SEMA5A: variants seen among roughly 807,000 people sequenced by gnomAD.
SEMA5A encodes semaphorin-5A.
In SEMA5A, 55 loss-of-function variants were observed where a neutral mutation model predicts 135.5. That is an observed-to-expected ratio of 0.41 (90% CI 0.33 to 0.51). The LOEUF (loss-of-function observed/expected upper bound fraction) is 0.51. Among genes scored for constraint, SEMA5A ranks in the 20% least tolerant of loss-of-function variants. The pLI is 0.37. For missense variants in SEMA5A, 1,290 were observed against 1,419.9 expected (o/e 0.91, Z 1.47); for synonymous variants, 580 against 546.5 (o/e 1.06, Z -0.85).
intron 5 of SEMA5A, among the ~76,000 whole-genome samples, chr5:9,302,705 G>C (rs1561125469): frequency 6.6e-6 from 1 of 152,090 alleles, no homozygotes; most frequent in Non-Finnish European, 1.5e-5. Context: ...AATTGACATA[G>C]AACCACCTAC....
rs1008960299 is a variant in SEMA5A, at chr5:9,036,577, A to C, written c.*6320T>G. On this transcript the variant is annotated 3_prime_UTR_variant, in exon 23 of 23. Transcript: ENST00000382496. ...TTTTTTTTGGAACATGTAAAAATTA[A>C]AGTGATGTTAGTTTCTAGAAGGCTA... 3.9e-5 allele frequency: 6 copies of C among 152,254 alleles called. No individual in the cohort carries two copies. Among genetic ancestry groups the C allele is most frequent in the South Asian group, 2.1e-4 (1 of 4,832 alleles). The allele number at this position is 152,254 out of a possible 1,614,324, so 9.4% of individuals were successfully genotyped here.
In SEMA5A at chr5:9,425,398, T is replaced by C. The variant is rs112936272; in HGVS notation, c.-78+12358A>G. Among the ~76,000 whole-genome samples, 663 of 152,110 alleles carry C rather than the reference T, an allele frequency of 4.4e-3. 5 individuals are homozygous for C. Among genetic ancestry groups the C allele is most frequent in the African/African-American group, 0.015 (639 of 41,486 alleles). Reference sequence around the variant, plus strand: ...GTTCACACACACACACACAAATACCTGGGGAGGAGGGAGAATGCAAGTTAT... The same window carrying C: ...GTTCACACACACACACACAAATACCCGGGGAGGAGGGAGAATGCAAGTTAT... On this transcript the variant is annotated intron_variant, in intron 2 of 22. Transcript: ENST00000382496.
chr5:9,350,880 C>T (rs1427901264), intron 3 of SEMA5A, among the ~76,000 whole-genome samples: 1 of 152,206 alleles, frequency 6.6e-6, no homozygotes, highest in East Asian at 1.9e-4. Context: ...TCAACCCTAA[C>T]TGCAAGTATA....
chr5:9,250,480 T>G (rs1579710999), intron 5 of SEMA5A, among the ~76,000 whole-genome samples: 1 of 152,276 alleles, frequency 6.6e-6, no homozygotes, highest in South Asian at 2.1e-4. Context: ...ACAGTAAATC[T>G]TCCAAAATAG....
intron 11 of SEMA5A, among the ~76,000 whole-genome samples, chr5:9,176,403 C>T (rs920042036): frequency 1.3e-5 from 2 of 152,190 alleles, no homozygotes; most frequent in African/African-American, 4.8e-5. Context: ...ACTAGTCAAG[C>T]CTTCAGATGA....
intron 1 of SEMA5A, among the ~76,000 whole-genome samples, chr5:9,542,036 T>C (rs756683782): frequency 6.6e-6 from 1 of 152,268 alleles, no homozygotes; most frequent in African/African-American, 2.4e-5. Context: ...GAAAAGTTTA[T>C]GTATATTCTA....
At chr5:9,117,817 A>G (rs1197130936) in intron 15 of SEMA5A, among the ~76,000 whole-genome samples, 2 of 152,224 alleles carry the variant, frequency 1.3e-5, no homozygotes, top group Non-Finnish European at 2.9e-5. Flanking sequence ...ATTCTTCCAT[A>G]ATAGGCTTTC....
intron 21 of SEMA5A, among the ~76,000 whole-genome samples, chr5:9,045,116 T>C (rs1395540234): frequency 6.6e-6 from 1 of 152,212 alleles, no homozygotes; most frequent in African/African-American, 2.4e-5. Context: ...CATTCTCTTA[T>C]GAATGATAGT....
Position 9,256,895 on chromosome 5 carries a change from G to GA in SEMA5A, c.271-19006dup, listed in dbSNP as rs1425079837. On this transcript the variant is annotated intron_variant, in intron 5 of 22. Coordinates refer to ENST00000382496, the MANE Select transcript of SEMA5A (RefSeq NM_003966.3). The stretch of plus-strand genomic sequence containing the variant: ...TAAGTTCAAGATTAGCATGAAGAGT[G>GA]AAAAAATCAGTTTGCATTTAGTTTT... 1.3e-4 allele frequency among the ~76,000 whole-genome samples: 20 copies of GA among 152,318 alleles called. No homozygotes were observed. In the South Asian group the frequency reaches 3.7e-3, roughly 28 times the overall value.
intron 1 of SEMA5A, among the ~76,000 whole-genome samples, chr5:9,455,902 A>C (rs1198730414): frequency 6.6e-6 from 1 of 152,244 alleles, no homozygotes; most frequent in Non-Finnish European, 1.5e-5. Context: ...TAAAACTTAC[A>C]GAAGACCCTT....
intron 2 of SEMA5A, among the ~76,000 whole-genome samples, chr5:9,426,427 A>AAAAAATAAATAAAATAAAATAAAAT (rs1561243501): frequency 1.4e-5 from 2 of 142,576 alleles, no homozygotes; most frequent in East Asian, 2.0e-4. Context: ...TCCATCTCAA[A>AAAAAATAAATAAAATAAAATAAAAT]AAAATAAATA....
chr5:9,516,039 A>G (rs1213699795), intron 1 of SEMA5A, among the ~76,000 whole-genome samples: 1 of 152,242 alleles, frequency 6.6e-6, no homozygotes, highest in Non-Finnish European at 1.5e-5. Context: ...TGAACGAAAC[A>G]TAGCCCAGGT....
At chr5:9,346,910 G>GTA (rs1316024798) in intron 3 of SEMA5A, among the ~76,000 whole-genome samples, 2 of 137,040 alleles carry the variant, frequency 1.5e-5, no homozygotes, top group South Asian at 4.5e-4. Context: ...GTGTGTGTGT[G>GTA]TGTGTATATA....
rs551054697 is a variant in SEMA5A at position 9,279,070 on chromosome 5, T to C, written c.270+39302A>G. On this transcript the variant is annotated intron_variant, in intron 5 of 22. Transcript: ENST00000382496. ...ATCCACCAACAACTTGCACTGTGTG[T>C]CTGGAAAACCCACAGGAACTCAACG... Among the ~76,000 whole-genome samples the C allele has an allele frequency of 3.4e-4, 52 of 152,250 alleles. No homozygotes were observed. In the South Asian group the frequency reaches 4.6e-3, roughly 13 times the overall value.
chr5:9,214,156 C>T lies in SEMA5A; in HGVS notation c.646+10518G>A, dbSNP rs112429377. Among the ~76,000 whole-genome samples, 1,173 of 152,248 alleles carry T rather than the reference C, an allele frequency of 7.7e-3. 16 individuals are homozygous for T. The highest frequency in any genetic ancestry group is 0.027 in the African/African-American group (1,107 of 41,542). On this transcript the variant is annotated intron_variant, in intron 8 of 22. Coordinates refer to ENST00000382496, the MANE Select transcript of SEMA5A (RefSeq NM_003966.3). ...GCAACATGGTGAGGAAGGCAGAATGCGCCCCCGAAACTGCACATTGCTCCT... is the reference window on the plus strand; with the variant it reads ...GCAACATGGTGAGGAAGGCAGAATGTGCCCCCGAAACTGCACATTGCTCCT...
At chr5:9,168,416 C>A (rs929044715) in intron 11 of SEMA5A, among the ~76,000 whole-genome samples, 1 of 152,136 alleles carries the variant, frequency 6.6e-6, no homozygotes, top group African/African-American at 2.4e-5. Context: ...GATGAAGGAG[C>A]TTTGAGTCTT....
chr5:9,490,509 A>C (rs1189402758), intron 1 of SEMA5A, among the ~76,000 whole-genome samples: 1 of 152,184 alleles, frequency 6.6e-6, no homozygotes, highest in African/African-American at 2.4e-5. Flanking sequence ...ATTTTATTTC[A>C]TGAGATATCA....
chr5:9,280,374 G>C (rs972669177), intron 5 of SEMA5A, among the ~76,000 whole-genome samples: 3 of 152,196 alleles, frequency 2.0e-5, no homozygotes, highest in Admixed American at 6.5e-5. Flanking sequence ...GGTCCTTCAA[G>C]ACCACCTGAG....
intron 1 of SEMA5A, among the ~76,000 whole-genome samples, chr5:9,456,476 A>C (rs1758838741): frequency 2.2e-5 from 2 of 92,046 alleles, no homozygotes; most frequent in African/African-American, 1.0e-4. Flanking sequence ...AAAAAGGACA[A>C]GTAGAAAAAA....
Sources: gnomAD v4.1 joint callset for allele counts (sites outside exome capture counted in the v4.1 genomes callset) on GRCh38, gnomAD v4.1.1 for gene constraint, MANE v1.5 for transcripts, NCBI Gene and HGNC (gene_info 2026-07-23, HGNC 2026-07-21) for gene names.